The following SATB2 variants were observed in gnomAD, a reference collection of about 807,000 sequenced individuals.
SATB2 encodes SATB homeobox 2.
A neutral mutation model predicts 73.4 loss-of-function variants in SATB2; 1 was observed. The ratio of observed to expected loss-of-function variants is 0.01; its 90% confidence interval spans 0.00 to 0.06. The LOEUF (loss-of-function observed/expected upper bound fraction) is 0.06, where lower values mean the gene tolerates loss of function less well. SATB2 is among the 10% of genes least tolerant of loss of function. The probability of loss-of-function intolerance (pLI) is 1.00; values close to 1 mark genes in which losing one functional copy is unlikely to be tolerated. For missense variants in SATB2, 459 were observed against 945.8 expected (o/e 0.49, Z 6.75); for synonymous variants, 397 against 367.0 (o/e 1.08, Z -0.93).
upstream of SATB2, among the ~76,000 whole-genome samples, chr2:199,462,672 G>A (rs1439299253): frequency 2.6e-5 from 4 of 152,200 alleles, no homozygotes; most frequent in Non-Finnish European, 5.9e-5. This position sits in a 1 kb window ranked among gnomAD's most constrained non-coding sequence, Gnocchi z 5.9. Flanking sequence ...CTGGGCGGGG[G>A]CGGAGAGGGA....
At chr2:199,444,837 A>G (rs892882094) in intron 2 of SATB2, among the ~76,000 whole-genome samples, 1 of 152,210 alleles carries the variant, frequency 6.6e-6, no homozygotes, top group Non-Finnish European at 1.5e-5. Context: ...CTATAAGTTC[A>G]TTTATTTTGT....
At chr2:199,417,239 A>G (rs1691021392) in intron 3 of SATB2, among the ~76,000 whole-genome samples, 1 of 152,078 alleles carries the variant, frequency 6.6e-6, no homozygotes, top group African/African-American at 2.4e-5. Context: ...CCTCCTGTGA[A>G]ATGCTCTAGG....
chr2:199,425,574 A>T (rs1009715267), intron 3 of SATB2, among the ~76,000 whole-genome samples: 1 of 152,154 alleles, frequency 6.6e-6, no homozygotes, highest in African/African-American at 2.4e-5. Context: ...TTTTACCCCC[A>T]AGCACTACCT....
At chr2:199,275,922 TTTCAACCGCAATATAC>T (rs1692300166) in intron 10 of SATB2, among the ~76,000 whole-genome samples, 2 of 152,284 alleles carry the variant, frequency 1.3e-5, no homozygotes, top group South Asian at 4.1e-4. Flanking sequence ...TATAAGTCCC[TTTCAACCGCAATATAC>T]ATAATATCTG....
rs567689211 is a variant in SATB2 at position 199,322,186 on chromosome 2, G to C, written c.1542+1617C>G. Reference sequence around the variant, plus strand: ...CTGTGGTCTTCAGTTTTTCTTGAAAGCTGCTTATAAAAGAAGGACTGTGTG... The same window carrying C: ...CTGTGGTCTTCAGTTTTTCTTGAAACCTGCTTATAAAAGAAGGACTGTGTG... On this transcript the variant is annotated intron_variant, in intron 9 of 10. Transcript: ENST00000417098. Among the ~76,000 whole-genome samples, 172 of 152,334 alleles carry C rather than the reference G, an allele frequency of 1.1e-3. 1 individual carries two copies. The highest frequency in any genetic ancestry group is 0.01 in the Middle Eastern group (3 of 294).
At chr2:199,450,533 A>G (rs1340027873) in intron 2 of SATB2, among the ~76,000 whole-genome samples, 1 of 152,126 alleles carries the variant, frequency 6.6e-6, no homozygotes, top group Non-Finnish European at 1.5e-5. Context: ...AACAATGTAC[A>G]TATTTTACAC....
chr2:199,274,262 C>T (rs1692245654), intron 10 of SATB2, among the ~76,000 whole-genome samples: 1 of 152,122 alleles, frequency 6.6e-6, no homozygotes, highest in Admixed American at 6.5e-5. Flanking sequence ...GGACCATTCA[C>T]ACTACCATCC....
intron 3 of SATB2, chr2:199,397,746 A>T (rs1480775881): frequency 1.7e-5 from 7 of 420,764 alleles, no homozygotes; most frequent in Non-Finnish European, 9.5e-6. Context: ...GAAATAAGCC[A>T]GGCATGGTGG....
At chr2:199,394,166 T>C (rs904715731) in intron 3 of SATB2, among the ~76,000 whole-genome samples, 45 of 152,356 alleles carry the variant, frequency 3.0e-4, no homozygotes, top group Middle Eastern at 3.4e-3. Flanking sequence ...GAATAGTTTA[T>C]ATACCTGCAC....
At chr2:199,396,438 GT>G (rs1690303370) in intron 3 of SATB2, 1 of 152,146 alleles carries the variant, frequency 6.6e-6, no homozygotes, top group Non-Finnish European at 1.5e-5. Flanking sequence ...TAAGATACTT[GT>G]TATTACAAGT....
At chr2:199,471,019 T>A (rs1025626805) in exon 1 of SATB2, 4 of 152,432 alleles carry the variant, frequency 2.6e-5, no homozygotes, top group African/African-American at 9.6e-5. Flanking sequence ...CTCACCTTAG[T>A]CCTTGATTTC....
intron 3 of SATB2, among the ~76,000 whole-genome samples, chr2:199,388,589 T>C (rs908760954): frequency 2.6e-5 from 4 of 152,192 alleles, no homozygotes; most frequent in Admixed American, 1.3e-4. Flanking sequence ...GCAGTATTCT[T>C]ATAATTCAGC....
At chr2:199,275,930 G>T (rs530809331) in intron 10 of SATB2, among the ~76,000 whole-genome samples, 1 of 152,014 alleles carries the variant, frequency 6.6e-6, no homozygotes, top group Non-Finnish European at 1.5e-5. Flanking sequence ...CCTTTCAACC[G>T]CAATATACAT....
chr2:199,359,709 T>C (rs964849460), intron 6 of SATB2, among the ~76,000 whole-genome samples: 2 of 152,246 alleles, frequency 1.3e-5, no homozygotes, highest in African/African-American at 4.8e-5. Flanking sequence ...TGTTCCTGTG[T>C]TCCCAAAACC....
chr2:199,358,280 G>A (rs1320665636), intron 6 of SATB2, among the ~76,000 whole-genome samples: 9 of 152,004 alleles, frequency 5.9e-5, no homozygotes, highest in Admixed American at 2.0e-4. Context: ...GGAGGTATAA[G>A]GTCAATTTAT....
chr2:199,285,263 A>C (rs1692650944), intron 10 of SATB2, among the ~76,000 whole-genome samples: 1 of 152,100 alleles, frequency 6.6e-6, no homozygotes, highest in Non-Finnish European at 1.5e-5. Flanking sequence ...GAGTCAAATC[A>C]CTTAGGAAAG....
At chr2:199,434,178 AT>A (rs1258770928) in intron 2 of SATB2, among the ~76,000 whole-genome samples, 2 of 152,158 alleles carry the variant, frequency 1.3e-5, no homozygotes, top group Non-Finnish European at 2.9e-5. Context: ...GATCATAAAC[AT>A]CTTAATTTAC....
chr2:199,456,949 G>A (rs1426612470), intron 1 of SATB2, among the ~76,000 whole-genome samples: 2 of 130,718 alleles, frequency 1.5e-5, no homozygotes, highest in Non-Finnish European at 3.2e-5. Context: ...GAAGCCGCAG[G>A]TCTCGACACC....
intron 10 of SATB2, among the ~76,000 whole-genome samples, chr2:199,307,741 T>C (rs945115262): frequency 2.0e-5 from 3 of 152,128 alleles, no homozygotes; most frequent in African/African-American, 4.8e-5. Context: ...CTCCCAAACA[T>C]GTGAGGGGGG....
Sources: allele counts gnomAD v4.1 joint callset (sites outside exome capture counted in the v4.1 genomes callset), GRCh38; gene constraint gnomAD v4.1.1; non-coding constraint Gnocchi (gnomAD v3.1); transcripts MANE v1.5; gene names NCBI Gene and HGNC (gene_info 2026-07-23, HGNC 2026-07-21).